SVIL: variants seen among roughly 807,000 people sequenced by gnomAD.
SVIL encodes the protein supervillin.
A neutral mutation model predicts 240.4 loss-of-function variants in SVIL; 101 were observed. The ratio of observed to expected loss-of-function variants is 0.42; its 90% CI spans 0.36 to 0.50. The LOEUF is 0.50. Among genes scored for constraint, SVIL ranks in the 20% least tolerant of loss-of-function variants. SVIL has a pLI of 0.01. For missense variants in SVIL, 2,512 were observed against 2,818.7 expected (o/e 0.89, Z 2.46); for synonymous variants, 999 against 1,100.0 (o/e 0.91, Z 1.82).
At chr10:29,485,552 A>G (rs1259370470) in intron 26 of SVIL, among the ~76,000 whole-genome samples, 1 of 152,152 alleles carries the variant, frequency 6.6e-6, no homozygotes, top group Non-Finnish European at 1.5e-5. Context: ...CACACAGTCA[A>G]CCTTGCTCCA....
intron 1 of SVIL, among the ~76,000 whole-genome samples, chr10:29,720,482 A>G (rs543309308): frequency 6.6e-6 from 1 of 152,366 alleles, no homozygotes; most frequent in South Asian, 2.1e-4. Flanking sequence ...GACATATAAA[A>G]ATGGAATGAA....
intron 30 of SVIL, among the ~76,000 whole-genome samples, 173 bp from the exon 31 acceptor site, chr10:29,471,416 T>G (rs2132311880): frequency 1.3e-5 from 2 of 151,932 alleles, no homozygotes; most frequent in East Asian, 3.9e-4. Context: ...TGCAGCCTCC[T>G]CTCAGGGTGT....
intron 2 of SVIL, among the ~76,000 whole-genome samples, chr10:29,661,655 T>A (rs1173378216): frequency 6.6e-6 from 1 of 152,166 alleles, no homozygotes; most frequent in Non-Finnish European, 1.5e-5. Context: ...TGGGACTAAA[T>A]CTAGACCAAT....
At chr10:29,627,496 C>T (rs951163001) in intron 1 of SVIL, among the ~76,000 whole-genome samples, 8 of 152,144 alleles carry the variant, frequency 5.3e-5, no homozygotes, top group African/African-American at 1.7e-4. Flanking sequence ...CTTCCTCCTG[C>T]ACCGAGAGCA....
intron 24 of SVIL, 95 bp from the exon 25 acceptor site, chr10:29,486,652 G>T: frequency 1.4e-6 from 2 of 1,465,664 alleles, no homozygotes; most frequent in Non-Finnish European, 9.3e-7. Flanking sequence ...CAGTGTGCCT[G>T]CAAGGAAAGC....
At chr10:29,488,954 A>ATAGTT (rs1347931110) in intron 22 of SVIL, among the ~76,000 whole-genome samples, 198 bp from the exon 23 acceptor site, 1 of 152,250 alleles carries the variant, frequency 6.6e-6, no homozygotes, top group Non-Finnish European at 1.5e-5. Flanking sequence ...AGCATTGAAA[A>ATAGTT]TATAAACTGC....
chr10:29,524,161 C>G, intron 14 of SVIL, 134 bp from the exon 15 acceptor site: 1 of 1,009,954 alleles, frequency 9.9e-7, no homozygotes. Flanking sequence ...GAAAACCATT[C>G]CTGGACATAG....
chr10:29,538,420 T>C (rs528939850), intron 6 of SVIL, among the ~76,000 whole-genome samples: 2 of 152,364 alleles, frequency 1.3e-5, no homozygotes, highest in African/African-American at 4.8e-5. Context: ...AGTCTGAGTA[T>C]ATAGACAGTC....
chr10:29,562,769 G>GAAAAAAAAAAAAA (rs34507610), intron 3 of SVIL, among the ~76,000 whole-genome samples: 18 of 115,748 alleles, frequency 1.6e-4, no homozygotes, highest in African/African-American at 2.0e-4. Flanking sequence ...TCAAAAAAAA[G>GAAAAAAAAAAAAA]AAAAAAAAAA....
Position 29,562,730 on chromosome 10 carries a change from C to T in SVIL, c.-51+471G>A, listed in dbSNP as rs191611022. On this transcript the variant is annotated intron_variant, in intron 3 of 37. Transcript: ENST00000355867. ...GAGCCGACATTGTGCCATTGCACTCCAGCCTGGGCGACAGAGCGAGACTCC... is the reference window on the plus strand; with the variant it reads ...GAGCCGACATTGTGCCATTGCACTCTAGCCTGGGCGACAGAGCGAGACTCC... Among the ~76,000 whole-genome samples, 1,266 of 145,236 alleles carry T rather than the reference C, an allele frequency of 8.7e-3. 16 individuals carry two copies. Among genetic ancestry groups the T allele is most frequent in the African/African-American group, 0.031 (1,205 of 38,306 alleles).
intron 26 of SVIL, 102 bp downstream of exon 26, chr10:29,485,983 G>A: frequency 7.3e-7 from 1 of 1,375,372 alleles, no homozygotes; most frequent in Non-Finnish European, 1.0e-6. Context: ...TACCGACACT[G>A]GCTAACCTTT....
chr10:29,709,012 C>CA (rs35566107), intron 1 of SVIL, among the ~76,000 whole-genome samples: 95,921 of 151,896 alleles, frequency 0.63, 30,596 homozygotes, highest in East Asian at 0.78. Context: ...AATAAAAACA[C>CA]AAAAAATTGA....
chr10:29,721,097 C>G (rs1963948824), intron 1 of SVIL, among the ~76,000 whole-genome samples: 2 of 152,176 alleles, frequency 1.3e-5, no homozygotes, highest in Non-Finnish European at 2.9e-5. Flanking sequence ...ATCCACCCGC[C>G]TCAGCCTCCC....
chr10:29,660,267 C>T (rs1176775101), intron 2 of SVIL, among the ~76,000 whole-genome samples: 1 of 152,052 alleles, frequency 6.6e-6, no homozygotes, highest in Non-Finnish European at 1.5e-5. Flanking sequence ...TACGATTGTA[C>T]CACTGCGCTC....
At chr10:29,538,663 G>A (rs1415463145) in intron 6 of SVIL, among the ~76,000 whole-genome samples, 1 of 152,222 alleles carries the variant, frequency 6.6e-6, no homozygotes, top group East Asian at 1.9e-4. Context: ...TGTGCTGCAT[G>A]GCCAGATGGT....
At chr10:29,582,312 A>T (rs1564669213) in intron 1 of SVIL, among the ~76,000 whole-genome samples, 1 of 152,198 alleles carries the variant, frequency 6.6e-6, no homozygotes, top group Non-Finnish European at 1.5e-5. Context: ...GCACCTGGAG[A>T]ACAGCTCTTG....
chr10:29,722,021 T>C lies in SVIL; in HGVS notation c.-400+13730A>G, dbSNP rs978816976. On this transcript the variant is annotated intron_variant, in intron 1 of 35. Coordinates refer to the SVIL transcript ENST00000375400. The stretch of plus-strand genomic sequence containing the variant: ...GGGAGGCCGAGGCAGGCGGATGACC[T>C]TTGGTCAGGAGTTCGAGACCAGCTT... Among the ~76,000 whole-genome samples the C allele has an allele frequency of 7.2e-5, 11 of 152,002 alleles. No individual in the cohort carries two copies. The East Asian group carries it at 1.7e-3, about 24-fold the overall frequency.
chr10:29,463,864 A>C lies in SVIL; in HGVS notation c.6134-229T>G, dbSNP rs1944565523. On this transcript the variant is annotated intron_variant, in intron 34 of 37. Coordinates refer to ENST00000355867, the MANE Select transcript of SVIL (RefSeq NM_021738.3). Reference sequence around the variant, plus strand: ...CTGTAGGCAGAGAGAAGTGGTGTCAAGGAGTTGGTCTTTTTCATTCCTCGT... The same window carrying C: ...CTGTAGGCAGAGAGAAGTGGTGTCACGGAGTTGGTCTTTTTCATTCCTCGT... Among the ~76,000 whole-genome samples the C allele has an allele frequency of 2.6e-5, 4 of 152,330 alleles. No individual in the cohort carries two copies. In the South Asian group the frequency reaches 8.3e-4, roughly 32 times the overall value.
intron 1 of SVIL, among the ~76,000 whole-genome samples, chr10:29,626,632 A>G (rs1446769927): frequency 6.6e-6 from 1 of 152,224 alleles, no homozygotes; most frequent in African/African-American, 2.4e-5. Context: ...AAAAGAAGAT[A>G]AAAATAAATT....
Sources: gnomAD v4.1 joint callset for allele counts (sites outside exome capture counted in the v4.1 genomes callset) on GRCh38, gnomAD v4.1.1 for gene constraint, MANE v1.5 for transcripts, NCBI Gene and HGNC (gene_info 2026-07-23, HGNC 2026-07-21) for gene names.